Variants in SLC14A2 observed in about 807,000 individuals in gnomAD.
SLC14A2 encodes the protein urea transporter 2.
SLC14A2 carries 91 observed loss-of-function variants against 104.6 expected under a neutral mutation model. That is an observed-to-expected ratio of 0.87 (90% CI 0.73 to 1.04). The LOEUF is 1.04. Among genes scored for constraint, SLC14A2 ranks in the 50% least tolerant of loss-of-function variants. SLC14A2 has a pLI of 0.00. For missense variants in SLC14A2, 1,189 were observed against 1,156.0 expected, an observed-to-expected ratio of 1.03 and a Z score of -0.41; for synonymous variants, 476 against 466.4, an observed-to-expected ratio of 1.02 and a Z score of -0.27.
At chr18:45,369,716 G>T (rs1410766258) in intron 1 of SLC14A2, among the ~76,000 whole-genome samples, 1 of 152,150 alleles carries the variant, frequency 6.6e-6, no homozygotes, top group Non-Finnish European at 1.5e-5. Context: ...CTTGCTCAAG[G>T]TTATATTTTT....
At chr18:45,249,304 C>G (rs1430448718) in intron 1 of SLC14A2, among the ~76,000 whole-genome samples, 1 of 148,424 alleles carries the variant, frequency 6.7e-6, no homozygotes, top group Non-Finnish European at 1.5e-5. Flanking sequence ...TTTATCTGCC[C>G]TGTATGTACA....
intron 1 of SLC14A2, among the ~76,000 whole-genome samples, chr18:45,622,536 G>C (rs1008798621): frequency 6.6e-6 from 1 of 152,176 alleles, no homozygotes; most frequent in African/African-American, 2.4e-5. Flanking sequence ...AGGGTCATCG[G>C]CAGGGAGATG....
At chr18:45,361,085 G>T (rs139932546) in intron 1 of SLC14A2, among the ~76,000 whole-genome samples, 1 of 152,064 alleles carries the variant, frequency 6.6e-6, no homozygotes, top group Non-Finnish European at 1.5e-5. Context: ...ACATCTTGTC[G>T]TTCCTGTCAG....
chr18:45,632,451 T>C lies in SLC14A2; in HGVS notation c.623T>C (p.Phe208Ser). 1.2e-6 allele frequency: 2 copies of C among 1,614,044 alleles called. No homozygotes were observed. Among genetic ancestry groups the C allele is most frequent in the South Asian group, 1.1e-5 (1 of 91,078 alleles). ...EKLDYYWWLL[F>S]PVTFTAMSCP... ...TTAGACTACTACTGGTGGCTTCTGT[T>C]TCCTGTGACCTTCACAGCCATGTCC... is the stretch of plus-strand genomic sequence containing the variant. Residue 208 changes from phenylalanine (F) to serine (S), a missense_variant, in exon 5 of 20, where the codon TTT (phenylalanine) becomes TCT (serine). Coordinates refer to ENST00000255226, the MANE Select transcript of SLC14A2 (RefSeq NM_007163.4).
intron 5 of SLC14A2, chr18:45,634,733 T>C (rs766062633): frequency 9.0e-6 from 4 of 444,078 alleles, no homozygotes; most frequent in Admixed American, 2.4e-5. Context: ...TGGATTTCTA[T>C]ATCAGCTGTG....
At chr18:45,400,961 A>G (rs1568183786) in intron 1 of SLC14A2, among the ~76,000 whole-genome samples, 1 of 152,116 alleles carries the variant, frequency 6.6e-6, no homozygotes, top group Non-Finnish European at 1.5e-5. Context: ...AATTTATTTG[A>G]ATTGTACTTT....
chr18:45,631,394 CAA>C (rs2144523824), intron 4 of SLC14A2, among the ~76,000 whole-genome samples: 1 of 152,334 alleles, frequency 6.6e-6, no homozygotes, highest in African/African-American at 2.4e-5. Flanking sequence ...CCCGGCAGAG[CAA>C]TTAGAAAGGT....
chr18:45,587,891 CCATCCTAGAAGT>C (rs536807002), intron 2 of SLC14A2, among the ~76,000 whole-genome samples: 43 of 152,256 alleles, frequency 2.8e-4, no homozygotes, highest in African/African-American at 1.0e-3. Context: ...ATCCTCATAG[CCATCCTAGAAGT>C]CAGAAACAGA....
chr18:45,541,213 A>ATG (rs939528949), intron 2 of SLC14A2, among the ~76,000 whole-genome samples: 1 of 152,046 alleles, frequency 6.6e-6, no homozygotes, highest in Non-Finnish European at 1.5e-5. Flanking sequence ...ATATGTGTGT[A>ATG]TGTGTGTGTG....
chr18:45,545,578 CAAG>C (rs1281960243), intron 2 of SLC14A2, among the ~76,000 whole-genome samples: 1 of 152,178 alleles, frequency 6.6e-6, no homozygotes, highest in Admixed American at 6.5e-5. Flanking sequence ...TTATAATTAT[CAAG>C]AAACACGCCA....
At chr18:45,596,667 CT>C (rs1187409153) in intron 2 of SLC14A2, among the ~76,000 whole-genome samples, 1 of 152,242 alleles carries the variant, frequency 6.6e-6, no homozygotes, top group Non-Finnish European at 1.5e-5. Context: ...TTTCTATTTT[CT>C]CAAGAAAGCT....
chr18:45,426,241 G>A lies in SLC14A2; in HGVS notation c.-124-56992G>A, dbSNP rs140118692. On this transcript the variant is annotated intron_variant, in intron 1 of 20. Transcript: ENST00000586448. ...AGCTTCTCCCTGTTCTGGACTACCC[G>A]AGTCAAACTTTCTGTTCCTTGCTGA... Among the ~76,000 whole-genome samples, 83 of 152,156 alleles carry A rather than the reference G, an allele frequency of 5.5e-4. 1 individual carries two copies. The East Asian group carries it at 0.015, about 27-fold the overall frequency.
intron 10 of SLC14A2, among the ~76,000 whole-genome samples, chr18:45,650,041 C>A (rs959879660): frequency 4.6e-5 from 7 of 152,160 alleles, no homozygotes; most frequent in African/African-American, 1.7e-4. Flanking sequence ...CTTCCTTTTT[C>A]TGTTTCTGGA....
chr18:45,661,534 G>T (rs906719947), intron 10 of SLC14A2, among the ~76,000 whole-genome samples: 3 of 152,194 alleles, frequency 2.0e-5, no homozygotes, highest in African/African-American at 7.2e-5. Flanking sequence ...GCTTTGCCAG[G>T]ATTAATGAAC....
At position 45,503,649 on chromosome 18, in the gene SLC14A2, C is replaced by A. The variant is rs185339571; in HGVS notation, c.-35+20327C>A. On this transcript the variant is annotated intron_variant, in intron 2 of 20. Transcript: ENST00000586448. Reference sequence around the variant, plus strand: ...CAAAGCTCCACGTACTCTTTCTTGGCAACTCTAGTTAAAATGCTAAATTAC... The same window carrying A: ...CAAAGCTCCACGTACTCTTTCTTGGAAACTCTAGTTAAAATGCTAAATTAC... Among the ~76,000 whole-genome samples, 409 of 152,304 alleles carry A rather than the reference C, an allele frequency of 2.7e-3. 2 individuals carry two copies. The highest frequency in any genetic ancestry group is 9.4e-3 in the African/African-American group (389 of 41,552).
At chr18:45,244,803 G>C (rs956466082) in intron 1 of SLC14A2, among the ~76,000 whole-genome samples, 4 of 152,184 alleles carry the variant, frequency 2.6e-5, no homozygotes, top group African/African-American at 9.6e-5. Context: ...GAAAAAATAA[G>C]AAAGACAGTT....
At chr18:45,230,020 T>G (rs757741588) in intron 1 of SLC14A2, among the ~76,000 whole-genome samples, 28 of 152,200 alleles carry the variant, frequency 1.8e-4, no homozygotes, top group Non-Finnish European at 2.9e-4. Flanking sequence ...CATTACATAA[T>G]TTATTTGTAT....
intron 1 of SLC14A2, among the ~76,000 whole-genome samples, chr18:45,258,230 A>C (rs2084500678): frequency 9.4e-6 from 1 of 106,000 alleles, no homozygotes; most frequent in East Asian, 2.2e-4. Context: ...CTGCACGCTC[A>C]CACTGGGCTC....
At chr18:45,343,857 G>A (rs776286768) in intron 1 of SLC14A2, among the ~76,000 whole-genome samples, 1 of 152,178 alleles carries the variant, frequency 6.6e-6, no homozygotes, top group Non-Finnish European at 1.5e-5. Flanking sequence ...ATCCAGAAGG[G>A]ACAATTTGTG....
Sources: gnomAD v4.1 joint callset for allele counts (sites outside exome capture counted in the v4.1 genomes callset) on GRCh38, gnomAD v4.1.1 for gene constraint, MANE v1.5 for transcripts, NCBI Gene and HGNC (gene_info 2026-07-23, HGNC 2026-07-21) for gene names.